TUT4: variants seen among roughly 807,000 people sequenced by gnomAD.
TUT4 encodes the protein terminal uridylyl transferase 4, also known as terminal uridylyltransferase 4.
TUT4 carries 36 observed loss-of-function variants against 192.2 expected under a neutral mutation model. The observed-to-expected ratio is 0.19, with a 90% CI of 0.14 to 0.25. The LOEUF is 0.25. TUT4 is among the 10% of genes least tolerant of loss of function. The pLI is 1.00. For missense variants in TUT4, 1,493 were observed against 1,957.2 expected, an observed-to-expected ratio of 0.76 and a Z score of 4.47; for synonymous variants, 618 against 666.0, an observed-to-expected ratio of 0.93 and a Z score of 1.11.
intron 24 of TUT4, among the ~76,000 whole-genome samples, chr1:52,445,009 GTA>G (rs1282709474): frequency 3.6e-4 from 51 of 140,704 alleles, no homozygotes; most frequent in African/African-American, 1.2e-3. Context: ...ATGTATGTGT[GTA>G]TATATATGTA....
chr1:52,428,117 TAA>T (rs1209335674), intron 28 of TUT4, among the ~76,000 whole-genome samples: 15 of 152,128 alleles, frequency 9.9e-5, no homozygotes. Flanking sequence ...AAAGGACAGT[TAA>T]GAGAGATAAA....
chr1:52,474,153 A>C lies in TUT4; in HGVS notation c.2727+679T>G, dbSNP rs912972475. Among the ~76,000 whole-genome samples the C allele has an allele frequency of 1.1e-4, 17 of 152,182 alleles. No homozygotes were observed. The South Asian group carries it at 1.4e-3, about 13-fold the overall frequency. On this transcript the variant is annotated intron_variant, in intron 13 of 29. Transcript: ENST00000257177. ...AGCCCGGGAGGCAGAGGTTGCAGTG[A>C]GCTGAGATTGCACCACTGCACTTCA...
chr1:52,507,315 C>CT (rs1297014240), intron 4 of TUT4, among the ~76,000 whole-genome samples: 5 of 152,206 alleles, frequency 3.3e-5, no homozygotes, highest in Non-Finnish European at 7.3e-5. Context: ...TTAGTGCACT[C>CT]TAAGGTCTCT....
intron 14 of TUT4, among the ~76,000 whole-genome samples, chr1:52,470,906 G>A (rs539091413): frequency 1.3e-5 from 2 of 150,038 alleles, no homozygotes; most frequent in African/African-American, 2.5e-5. Context: ...CATGCAAGCC[G>A]TTCCCCAAAA....
chr1:52,515,688 C>G, intron 3 of TUT4: 1 of 655,728 alleles, frequency 1.5e-6, no homozygotes, highest in Non-Finnish European at 2.6e-6. Context: ...TGAAGTCAGA[C>G]TCACAGATAA....
At chr1:52,426,910 C>A (rs1207388613) in intron 28 of TUT4, among the ~76,000 whole-genome samples, 1 of 152,086 alleles carries the variant, frequency 6.6e-6, no homozygotes, top group Non-Finnish European at 1.5e-5. Context: ...TCCGATACAA[C>A]TATGATTATT....
chr1:52,497,794 A>T (rs1378091228), intron 4 of TUT4, among the ~76,000 whole-genome samples: 3 of 152,244 alleles, frequency 2.0e-5, no homozygotes, highest in African/African-American at 7.2e-5. Context: ...AAGCTACATA[A>T]AACACAGGAA....
intron 9 of TUT4, among the ~76,000 whole-genome samples, chr1:52,487,597 C>T (rs1369475512): frequency 6.6e-6 from 1 of 152,122 alleles, no homozygotes; most frequent in African/African-American, 2.4e-5. Context: ...CCTCCACTCT[C>T]TTCCATGGGT....
At chr1:52,508,847 T>C (rs989253779) in intron 4 of TUT4, among the ~76,000 whole-genome samples, 12 of 152,252 alleles carry the variant, frequency 7.9e-5, no homozygotes, top group African/African-American at 1.7e-4. Flanking sequence ...CCTCTATTCA[T>C]ATCTATGTCT....
Position 52,458,489 on chromosome 1 carries a change from T to C in TUT4, c.3322-40A>G, listed in dbSNP as rs1458862153. 5 of 1,457,588 alleles carry C rather than the reference T, an allele frequency of 3.4e-6. No individual in the cohort carries two copies. In the South Asian group the frequency reaches 3.5e-5, roughly 10 times the overall value. The allele number at this position is 1,457,588 out of a possible 1,614,324, so 90.3% of individuals were successfully genotyped here. On this transcript the variant is annotated intron_variant, in intron 19 of 29. Coordinates refer to ENST00000257177, the MANE Select transcript of TUT4 (RefSeq NM_001009881.3). ...GATTGAAAACAAAACTTCAGAGTCT[T>C]ACTCCATGCAGAAGTATATTAAACA... is the stretch of plus-strand genomic sequence containing the variant.
At chr1:52,488,664 AAAG>A (rs1670402666) in intron 9 of TUT4, among the ~76,000 whole-genome samples, 1 of 152,216 alleles carries the variant, frequency 6.6e-6, no homozygotes, top group Non-Finnish European at 1.5e-5. Context: ...ATAGTACATA[AAAG>A]GAGAATATAG....
chr1:52,451,140 C>A (rs1659282395), intron 20 of TUT4, among the ~76,000 whole-genome samples: 1 of 151,916 alleles, frequency 6.6e-6, no homozygotes, highest in Non-Finnish European at 1.5e-5. Flanking sequence ...GTGGTGGGCG[C>A]CTTTAGTCCC....
At chr1:52,442,547 G>C (rs144716415) in intron 24 of TUT4, among the ~76,000 whole-genome samples, 1 of 152,238 alleles carries the variant, frequency 6.6e-6, no homozygotes, top group East Asian at 1.9e-4. Context: ...TGGAATACTT[G>C]CATTACATTT....
intron 20 of TUT4, 73 bp from the exon 21 acceptor site, chr1:52,446,740 T>C (rs998033025): frequency 4.6e-6 from 5 of 1,081,490 alleles, no homozygotes; most frequent in Non-Finnish European, 6.7e-6. Flanking sequence ...TCTAATACCA[T>C]TTTAGAATTT....
chr1:52,432,612 TAGAG>T (rs1384460381), intron 27 of TUT4: 1 of 152,108 alleles, frequency 6.6e-6, no homozygotes, highest in Non-Finnish European at 1.5e-5. Flanking sequence ...AAGAATAAAA[TAGAG>T]AATTTTTTTA....
At position 52,481,091 on chromosome 1, in the gene TUT4, T is replaced by C. The variant is rs116079140; in HGVS notation, c.1848+332A>G. On this transcript the variant is annotated intron_variant, in intron 11 of 29. Coordinates refer to ENST00000257177, the MANE Select transcript of TUT4 (RefSeq NM_001009881.3). The stretch of plus-strand genomic sequence containing the variant: ...CCTCTCTTAGAGCACAGGGGCTTTA[T>C]TTCTCCACCCAATTGGCAACAAAAT... Among the ~76,000 whole-genome samples the C allele has an allele frequency of 7.5e-3, 1,143 of 152,292 alleles. 21 individuals carry two copies. Among genetic ancestry groups the C allele is most frequent in the African/African-American group, 0.025 (1,059 of 41,572 alleles).
intron 9 of TUT4, among the ~76,000 whole-genome samples, chr1:52,487,033 A>T (rs1272707875): frequency 1.3e-5 from 2 of 152,186 alleles, no homozygotes. Context: ...ATCATCCTTT[A>T]TATTTCTGTA....
intron 26 of TUT4, among the ~76,000 whole-genome samples, chr1:52,436,161 G>C (rs1309997527): frequency 1.3e-5 from 2 of 152,166 alleles, no homozygotes; most frequent in Admixed American, 6.5e-5. Flanking sequence ...AAGAATGTTA[G>C]TGAGAGAAAC....
chr1:52,434,685 A>G (rs1385226738), intron 27 of TUT4: 1 of 152,146 alleles, frequency 6.6e-6, no homozygotes. Context: ...TAAAAATACA[A>G]AAATTAGCTG....
Sources: gnomAD v4.1 joint callset for allele counts (sites outside exome capture counted in the v4.1 genomes callset) on GRCh38, gnomAD v4.1.1 for gene constraint, MANE v1.5 for transcripts, NCBI Gene and HGNC (gene_info 2026-07-23, HGNC 2026-07-21) for gene names.